ALK: variants seen among roughly 807,000 people sequenced by gnomAD.
The protein encoded by ALK is ALK receptor tyrosine kinase, also known as ALK tyrosine kinase receptor.
In ALK, 74 loss-of-function variants were observed where a neutral mutation model predicts 163.1. The observed-to-expected ratio is 0.45, with a 90% CI of 0.38 to 0.55. The LOEUF (loss-of-function observed/expected upper bound fraction) is 0.55. ALK is among the 20% of genes least tolerant of loss of function. The probability of loss-of-function intolerance (pLI) is 0.00; values close to 1 mark genes in which losing one functional copy is unlikely to be tolerated. For synonymous variants in ALK, 960 were observed against 843.2 expected, an observed-to-expected ratio of 1.14 and a Z score of -2.40; for missense variants, 2,063 against 2,105.3, an observed-to-expected ratio of 0.98 and a Z score of 0.39.
chr2:29,213,843 T>G, intron 24 of ALK, 141 bp downstream of exon 24: 1 of 746,088 alleles, frequency 1.3e-6, no homozygotes, highest in Non-Finnish European at 2.4e-6. Flanking sequence ...AAAACAAAGC[T>G]GAATCATCCT....
chr2:29,340,142 C>G (rs1667747578), intron 5 of ALK, among the ~76,000 whole-genome samples: 1 of 152,170 alleles, frequency 6.6e-6, no homozygotes, highest in Non-Finnish European at 1.5e-5. Context: ...CATTAATCTC[C>G]CTGCAAAGGG....
In ALK at chr2:29,386,468, G is replaced by C. The variant is rs75606843; in HGVS notation, c.1155-2609C>G. Among the ~76,000 whole-genome samples the C allele has an allele frequency of 7.4e-3, 1,131 of 152,286 alleles. 18 individuals carry two copies. The highest frequency in any genetic ancestry group is 0.026 in the African/African-American group (1,079 of 41,564). ...AAGGAGATAAACAAAAAGACAAAAA[G>C]AGCCGAATTTGTCTTGTTCTTCTGA... On this transcript the variant is annotated intron_variant, in intron 4 of 28. Coordinates refer to ENST00000389048, the MANE Select transcript of ALK (RefSeq NM_004304.5).
At chr2:29,717,732 T>G (rs1178251402) in intron 1 of ALK, 35 bp from the exon 2 acceptor site, 1 of 1,613,712 alleles carries the variant, frequency 6.2e-7, no homozygotes, top group Admixed American at 1.7e-5. Context: ...CTGATCCATG[T>G]GCTTGGGGTG....
chr2:29,375,175 C>T (rs751496533), intron 5 of ALK, among the ~76,000 whole-genome samples: 4 of 152,138 alleles, frequency 2.6e-5, no homozygotes, highest in South Asian at 2.1e-4. Flanking sequence ...AAGCTTCAGG[C>T]GAGGTGAGGC....
chr2:29,891,949 G>T (rs1308962136), intron 1 of ALK, among the ~76,000 whole-genome samples: 2 of 152,168 alleles, frequency 1.3e-5, no homozygotes, highest in African/African-American at 4.8e-5. Flanking sequence ...GTAAATGGTG[G>T]CTTGACTGAG....
chr2:29,673,719 G>T (rs1407211343), intron 3 of ALK, among the ~76,000 whole-genome samples: 11 of 149,502 alleles, frequency 7.4e-5, no homozygotes, highest in East Asian at 5.9e-4. Flanking sequence ...GTGAAGAAAG[G>T]CATTGGTAGC....
At chr2:29,454,957 C>T (rs1017895495) in intron 4 of ALK, among the ~76,000 whole-genome samples, 3 of 152,146 alleles carry the variant, frequency 2.0e-5, no homozygotes, top group African/African-American at 4.8e-5. Flanking sequence ...GATGAGGAAG[C>T]GGGCTCAGAG....
chr2:29,765,978 A>C (rs1315798344), intron 1 of ALK, among the ~76,000 whole-genome samples: 3 of 152,208 alleles, frequency 2.0e-5, no homozygotes, highest in Admixed American at 6.5e-5. Flanking sequence ...TAAAACTCAT[A>C]TATAATTTGA....
intron 5 of ALK, among the ~76,000 whole-genome samples, chr2:29,355,575 G>A (rs540759430): frequency 3.3e-5 from 5 of 152,252 alleles, no homozygotes; most frequent in South Asian, 4.1e-4. Flanking sequence ...CGGCTGAGGC[G>A]TGTTGCCCAA....
chr2:29,350,158 C>A (rs890039663), intron 5 of ALK, among the ~76,000 whole-genome samples: 2 of 152,208 alleles, frequency 1.3e-5, no homozygotes, highest in Non-Finnish European at 2.9e-5. Flanking sequence ...CCTGTCTATC[C>A]TACAGGGTTT....
intron 27 of ALK, 53 bp from the exon 28 acceptor site, chr2:29,196,913 TA>T: frequency 6.8e-7 from 1 of 1,469,364 alleles, no homozygotes; most frequent in Non-Finnish European, 9.5e-7. Context: ...TGATGAAAAA[TA>T]TATTTTCTTC....
chr2:29,500,848 C>T (rs1296156465), intron 4 of ALK, among the ~76,000 whole-genome samples: 2 of 152,166 alleles, frequency 1.3e-5, no homozygotes, highest in Non-Finnish European at 2.9e-5. Context: ...CACAGGGGCT[C>T]TGGTCTCAGC....
rs1041792582 is a variant in ALK, at chr2:29,209,867, G to T, written c.3755C>A (p.Ala1252Asp). The change falls in exon 25 of 29, where the codon GCC becomes GAC. Residue 1252 changes from alanine (A) to aspartate (D), a missense_variant. Ala to Asp is a moderately radical substitution (Grantham distance 126). Coordinates refer to ENST00000389048, the MANE Select transcript of ALK (RefSeq NM_004304.5). ...TGGACAGGTCAAGAGGCAGTTTCTG[G>T]CAGCAATGTCTCTGGGAAGAAAGGA... is the stretch of plus-strand genomic sequence containing the variant. The part of the protein sequence containing the change: ...ENHFIHRDIA[A>D]RNCLLTCPGP... 6.2e-7 allele frequency: 1 copy of T among 1,614,058 alleles called. No individual in the cohort carries two copies. Among genetic ancestry groups the T allele is most frequent in the Non-Finnish European group, 8.5e-7 (1 of 1,179,934 alleles).
chr2:29,817,095 A>G (rs145404497), intron 1 of ALK, among the ~76,000 whole-genome samples: 110 of 152,134 alleles, frequency 7.2e-4, no homozygotes, highest in Non-Finnish European at 1.3e-3. Context: ...GAGCTTCAGT[A>G]GTAACCTGCC....
intron 1 of ALK, among the ~76,000 whole-genome samples, chr2:29,795,146 G>A (rs1664275555): frequency 6.6e-6 from 1 of 152,016 alleles, no homozygotes; most frequent in Admixed American, 6.6e-5. Context: ...ACAGGCAGGT[G>A]AAAAGGCTAT....
chr2:29,815,071 C>T, intron 1 of ALK, among the ~76,000 whole-genome samples: 1 of 148,708 alleles, frequency 6.7e-6, no homozygotes, highest in Non-Finnish European at 1.5e-5. Flanking sequence ...AGTGGAAAAT[C>T]ATAGAAATCT....
chr2:29,301,706 T>A (rs544921883), intron 8 of ALK, among the ~76,000 whole-genome samples: 1 of 152,344 alleles, frequency 6.6e-6, no homozygotes, highest in East Asian at 1.9e-4. Context: ...GGTATGAGCA[T>A]GTCAGCAAGA....
At chr2:29,658,361 C>A (rs1478966130) in intron 3 of ALK, among the ~76,000 whole-genome samples, 1 of 152,132 alleles carries the variant, frequency 6.6e-6, no homozygotes, top group African/African-American at 2.4e-5. Flanking sequence ...CCTGAACTAA[C>A]TACCTGCATG....
At chr2:29,291,497 A>G (rs1483426520) in intron 9 of ALK, among the ~76,000 whole-genome samples, 1 of 152,198 alleles carries the variant, frequency 6.6e-6, no homozygotes, top group Non-Finnish European at 1.5e-5. Flanking sequence ...TTTAAGGGAA[A>G]ATTATTTAAC....
Sources: allele counts gnomAD v4.1 joint callset (sites outside exome capture counted in the v4.1 genomes callset), GRCh38; gene constraint gnomAD v4.1.1; transcripts MANE v1.5; gene names NCBI Gene and HGNC (gene_info 2026-07-23, HGNC 2026-07-21).